The following SRPK2 variants were observed in gnomAD, a reference collection of about 807,000 sequenced individuals.
The protein encoded by SRPK2 is SFRS protein kinase 2.
A neutral mutation model predicts 90.8 loss-of-function variants in SRPK2; 21 were observed. That is an observed-to-expected ratio of 0.23 (90% CI 0.16 to 0.33). SRPK2 has a LOEUF of 0.33. Ranked by LOEUF, SRPK2 falls within the 10% of genes least tolerant of loss-of-function variation. SRPK2 has a pLI of 1.00. For missense variants in SRPK2, 620 were observed against 869.0 expected (o/e 0.71, Z 3.60); for synonymous variants, 288 against 311.1 (o/e 0.93, Z 0.78).
rs1221274617 is a variant in SRPK2 at position 105,170,953 on chromosome 7, A to AAGAAAGAAAGAAAGAAAGAAAG, written c.230-1689_230-1688insCTTTCTTTCTTTCTTTCTTTCT. On this transcript the variant is annotated intron_variant, in intron 3 of 15. Coordinates refer to ENST00000393651, the MANE Select transcript of SRPK2 (RefSeq NM_182692.3). ...GAAAAAGGAAAGAAAGAAAGAAAGA[A>AAGAAAGAAAGAAAGAAAGAAAG]AGAAAGAAAGAAAGAGAAAGAAAGA... is the stretch of plus-strand genomic sequence containing the variant. 1.7e-3 allele frequency among the ~76,000 whole-genome samples: 80 copies of AAGAAAGAAAGAAAGAAAGAAAG among 46,542 alleles called. 8 individuals carry two copies. The highest frequency in any genetic ancestry group is 3.4e-3 in the Non-Finnish European group (62 of 18,314). 30.5% of individuals were successfully genotyped at this position (46,542 alleles called of 152,430 possible). A position where few individuals can be genotyped will look rare whatever the true frequency, so the allele number is the denominator to read the frequency against.
At chr7:105,279,805 G>A (rs1165867215) in intron 2 of SRPK2, among the ~76,000 whole-genome samples, 4 of 152,126 alleles carry the variant, frequency 2.6e-5, no homozygotes, top group African/African-American at 9.7e-5. Flanking sequence ...ACAGAACAAA[G>A]CCTCTTTTAC....
intron 2 of SRPK2, among the ~76,000 whole-genome samples, chr7:105,205,540 CA>C (rs1796117310): frequency 7.3e-6 from 1 of 136,860 alleles, no homozygotes; most frequent in African/African-American, 3.5e-5. Flanking sequence ...CACACACACA[CA>C]CACACACACA....
At chr7:105,213,253 G>A (rs562915175) in intron 2 of SRPK2, among the ~76,000 whole-genome samples, 1 of 152,268 alleles carries the variant, frequency 6.6e-6, no homozygotes, top group South Asian at 2.1e-4. Flanking sequence ...AAAGTAACCG[G>A]CTCTAGCTCC....
At chr7:105,332,764 CA>C (rs369698651) in intron 2 of SRPK2, 53 of 123,916 alleles carry the variant, frequency 4.3e-4, no homozygotes, top group East Asian at 9.5e-4. Flanking sequence ...GACTCTATCT[CA>C]AAAAAAAAAA....
intron 5 of SRPK2, 43 bp from the exon 6 acceptor site, chr7:105,167,507 C>G: frequency 1.3e-6 from 2 of 1,489,102 alleles, no homozygotes; most frequent in Non-Finnish European, 1.9e-6. Context: ...GAGTTTGAGA[C>G]AAAGCATGTT....
chr7:105,288,972 T>C (rs528213453), intron 2 of SRPK2, among the ~76,000 whole-genome samples: 22 of 151,912 alleles, frequency 1.4e-4, no homozygotes, highest in Middle Eastern at 3.4e-3. Context: ...AAAAATAACT[T>C]CCAGCCAGGT....
intron 4 of SRPK2, among the ~76,000 whole-genome samples, chr7:105,168,732 A>G (rs920725004): frequency 7.6e-5 from 6 of 78,716 alleles, no homozygotes; most frequent in South Asian, 4.5e-4. Context: ...ACACACACAC[A>G]CACACGCACC....
intron 2 of SRPK2, among the ~76,000 whole-genome samples, chr7:105,306,041 C>T (rs547161044): frequency 6.6e-6 from 1 of 152,324 alleles, no homozygotes; most frequent in African/African-American, 2.4e-5. Flanking sequence ...CTTAAAACAA[C>T]ACCTACACTA....
At chr7:105,194,150 T>C (rs1794633127) in intron 3 of SRPK2, among the ~76,000 whole-genome samples, 1 of 152,186 alleles carries the variant, frequency 6.6e-6, no homozygotes, top group Admixed American at 6.5e-5. Context: ...TGCTCTCTAA[T>C]AAATCCTTCC....
intron 2 of SRPK2, among the ~76,000 whole-genome samples, chr7:105,246,504 G>A (rs527710509): frequency 2.0e-5 from 3 of 152,272 alleles, no homozygotes; most frequent in South Asian, 4.1e-4. Context: ...ATATAAATGT[G>A]GTAGTCACCA....
chr7:105,229,571 G>GT (rs1225050113), intron 2 of SRPK2, among the ~76,000 whole-genome samples: 6 of 152,160 alleles, frequency 3.9e-5, no homozygotes, highest in Admixed American at 6.5e-5. Context: ...TATGGAGGAG[G>GT]TATCTCTCCC....
intron 3 of SRPK2, 133 bp from the exon 4 acceptor site, chr7:105,169,398 T>C (rs571295881): frequency 4.6e-6 from 3 of 654,814 alleles, no homozygotes; most frequent in Admixed American, 5.9e-5. Context: ...ACATGTTTAA[T>C]AATACAACAT....
chr7:105,201,239 T>A (rs570310412), intron 3 of SRPK2, among the ~76,000 whole-genome samples: 228 of 152,244 alleles, frequency 1.5e-3, no homozygotes, highest in Non-Finnish European at 2.7e-3. Flanking sequence ...AAATTCAAAG[T>A]AGGGCATCTG....
intron 2 of SRPK2, among the ~76,000 whole-genome samples, chr7:105,379,768 G>C (rs1400504877): frequency 6.6e-6 from 1 of 152,152 alleles, no homozygotes; most frequent in African/African-American, 2.4e-5. Context: ...CACAAGGTCA[G>C]GAGATCGAGA....
chr7:105,125,224 G>A (rs890212213), intron 15 of SRPK2, among the ~76,000 whole-genome samples: 1 of 151,960 alleles, frequency 6.6e-6, no homozygotes, highest in African/African-American at 2.4e-5. Context: ...TTACTAACTG[G>A]GGACTATACT....
At chr7:105,130,645 T>A (rs2129574653) in intron 13 of SRPK2, among the ~76,000 whole-genome samples, 1 of 150,604 alleles carries the variant, frequency 6.6e-6, no homozygotes, top group South Asian at 2.1e-4. Flanking sequence ...GAGGTCAAAT[T>A]TAATATATTA....
rs766805073 is a variant in SRPK2 at position 105,167,449 on chromosome 7, G to T, written c.442C>A (p.Pro148Thr). The T allele has an allele frequency of 6.2e-7, 1 of 1,613,394 alleles. No individual in the cohort carries two copies. The highest frequency in any genetic ancestry group is 1.1e-5 in the South Asian group (1 of 91,036). Residue 148 changes from proline (P) to threonine (T), a missense_variant, in exon 6 of 16, where the codon CCC (proline) becomes ACC (threonine). Transcript: ENST00000393651. ...KLLKCVRESD[P>T]SDPNKDMVVQ... ...ACCATGTCTTTGTTTGGGTCACTGG[G>T]ATCACTTTCTCGAACCTATGCCAAG...
intron 2 of SRPK2, among the ~76,000 whole-genome samples, chr7:105,248,058 G>C (rs1801954914): frequency 6.6e-6 from 1 of 152,022 alleles, no homozygotes; most frequent in Non-Finnish European, 1.5e-5. Context: ...TCTCCATGCT[G>C]GTCAGGCTGG....
intron 2 of SRPK2, among the ~76,000 whole-genome samples, chr7:105,328,513 C>T (rs1351603484): frequency 1.0e-4 from 12 of 119,012 alleles, no homozygotes; most frequent in Non-Finnish European, 2.0e-4. Context: ...CAGTGAGCTG[C>T]GATCAGGCCA....
Sources: allele counts gnomAD v4.1 joint callset (sites outside exome capture counted in the v4.1 genomes callset), GRCh38; gene constraint gnomAD v4.1.1; transcripts MANE v1.5; gene names NCBI Gene and HGNC (gene_info 2026-07-23, HGNC 2026-07-21).